The following SAMD4A variants were observed in gnomAD, a reference collection of about 807,000 sequenced individuals.
The protein encoded by SAMD4A is protein Smaug homolog 1.
In SAMD4A, 33 loss-of-function variants were observed where a neutral mutation model predicts 81.3. The ratio of observed to expected loss-of-function variants is 0.41; its 90% CI spans 0.31 to 0.54. The LOEUF is 0.54. Ranked by LOEUF, SAMD4A falls within the 20% of genes least tolerant of loss-of-function variation. The pLI, the probability that SAMD4A is intolerant of heterozygous loss-of-function variation, is 0.37. For missense variants in SAMD4A, 854 were observed against 951.1 expected, an observed-to-expected ratio of 0.90 and a Z score of 1.34; for synonymous variants, 389 against 382.1, an observed-to-expected ratio of 1.02 and a Z score of -0.21.
intron 3 of SAMD4A, among the ~76,000 whole-genome samples, chr14:54,708,682 C>A (rs1242389881): frequency 6.6e-6 from 1 of 152,126 alleles, no homozygotes; most frequent in Non-Finnish European, 1.5e-5. Flanking sequence ...GTGTGCCTTA[C>A]AAAGCACATG....
intron 2 of SAMD4A, among the ~76,000 whole-genome samples, chr14:54,683,020 G>A (rs989408458): frequency 1.3e-5 from 2 of 152,198 alleles, no homozygotes; most frequent in African/African-American, 4.8e-5. Context: ...TCCCTGGGAA[G>A]CTGAGTGCCC....
intron 2 of SAMD4A, among the ~76,000 whole-genome samples, chr14:54,682,783 A>G (rs1472410590): frequency 6.6e-6 from 1 of 152,218 alleles, no homozygotes; most frequent in Non-Finnish European, 1.5e-5. Flanking sequence ...AAATTCCTAC[A>G]CTATCAACAT....
At chr14:54,626,041 T>C (rs1472714063) in intron 2 of SAMD4A, among the ~76,000 whole-genome samples, 4 of 132,490 alleles carry the variant, frequency 3.0e-5, no homozygotes, top group African/African-American at 1.2e-4. Context: ...TGTGTGTGTG[T>C]GTGTGTGTGT....
intron 2 of SAMD4A, among the ~76,000 whole-genome samples, chr14:54,578,603 T>C (rs1034931440): frequency 6.6e-6 from 1 of 152,030 alleles, no homozygotes; most frequent in African/African-American, 2.4e-5. Context: ...TCCCAACTAC[T>C]CGGGAGGCTG....
intron 2 of SAMD4A, among the ~76,000 whole-genome samples, chr14:54,678,431 ATTTGTGTGTG>A (rs2036039834): frequency 5.2e-5 from 4 of 77,428 alleles, no homozygotes; most frequent in Admixed American, 1.6e-4. Flanking sequence ...GGCAGTCACC[ATTTGTGTGTG>A]TGTGTGTGTG....
At chr14:54,694,698 C>T (rs557423261) in intron 2 of SAMD4A, 14 of 985,396 alleles carry the variant, frequency 1.4e-5, no homozygotes, top group East Asian at 1.1e-4. Flanking sequence ...GAATGGCCAG[C>T]CTCAGACCTC....
intron 2 of SAMD4A, among the ~76,000 whole-genome samples, chr14:54,648,509 GT>G (rs2035333123): frequency 6.6e-6 from 1 of 152,242 alleles, no homozygotes; most frequent in South Asian, 2.1e-4. Flanking sequence ...TCCTGAGGCT[GT>G]ATCAGAGAAG....
chr14:54,617,452 G>C (rs1387835941), intron 2 of SAMD4A, among the ~76,000 whole-genome samples: 1 of 66,174 alleles, frequency 1.5e-5, no homozygotes, highest in Admixed American at 1.4e-4. Context: ...GAAAGAATCT[G>C]TAAGGAGAGA....
At chr14:54,750,396 T>C (rs2038073685) in intron 5 of SAMD4A, among the ~76,000 whole-genome samples, 1 of 152,222 alleles carries the variant, frequency 6.6e-6, no homozygotes, top group Non-Finnish European at 1.5e-5. Context: ...AGTTGCAAGA[T>C]GTTTGAGTTA....
intron 12 of SAMD4A, among the ~76,000 whole-genome samples, chr14:54,788,410 G>A (rs977312409): frequency 2.0e-5 from 3 of 151,828 alleles, no homozygotes; most frequent in Non-Finnish European, 4.4e-5. Flanking sequence ...AACCTCCAAC[G>A]CACCCTCAGC....
At chr14:54,695,634 G>A (rs2036555246) in intron 2 of SAMD4A, among the ~76,000 whole-genome samples, 1 of 152,188 alleles carries the variant, frequency 6.6e-6, no homozygotes, top group South Asian at 2.1e-4. Context: ...CACCCTGGAA[G>A]CCCGCAATCA....
intron 2 of SAMD4A, among the ~76,000 whole-genome samples, chr14:54,627,354 C>T (rs1458725524): frequency 6.6e-6 from 1 of 152,058 alleles, no homozygotes; most frequent in Non-Finnish European, 1.5e-5. Flanking sequence ...CGCAGCTTGT[C>T]CGTTACATTT....
chr14:54,591,615 G>A (rs1022287969), intron 2 of SAMD4A, among the ~76,000 whole-genome samples: 22 of 151,688 alleles, frequency 1.5e-4, no homozygotes, highest in African/African-American at 4.4e-4. Context: ...TGAAATTGGC[G>A]TATCAGTCAG....
chr14:54,700,993 ATTTTTTTTTTT>A (rs34898971), intron 2 of SAMD4A: 1 of 137,174 alleles, frequency 7.3e-6, no homozygotes. Context: ...GAAACGGTGA[ATTTTTTTTTTT>A]TTTTTTTTTT....
chr14:54,772,684 TCCAA>T (rs1484668348), intron 9 of SAMD4A, among the ~76,000 whole-genome samples: 2 of 152,118 alleles, frequency 1.3e-5, no homozygotes, highest in Non-Finnish European at 2.9e-5. Context: ...TTTTTAAAAA[TCCAA>T]CCAAAAAGGA....
chr14:54,660,621 C>T (rs796477282), intron 2 of SAMD4A, among the ~76,000 whole-genome samples: 1 of 152,128 alleles, frequency 6.6e-6, no homozygotes, highest in Non-Finnish European at 1.5e-5. Flanking sequence ...GCCAGCTTGG[C>T]TGACTTTGAC....
chr14:54,622,318 A>G (rs2034636224), intron 2 of SAMD4A, among the ~76,000 whole-genome samples: 2 of 152,340 alleles, frequency 1.3e-5, no homozygotes, highest in South Asian at 4.1e-4. Context: ...AACTCTTCTC[A>G]GATAACCAGG....
At chr14:54,634,334 G>C (rs928785435) in intron 2 of SAMD4A, among the ~76,000 whole-genome samples, 1 of 151,778 alleles carries the variant, frequency 6.6e-6, no homozygotes, top group Non-Finnish European at 1.5e-5. Context: ...ATGAATGAAT[G>C]AATAGAAATA....
chr14:54,575,997 CTTTCTTTTTTTTTTTTTTTT>C (rs2033280269), intron 2 of SAMD4A, among the ~76,000 whole-genome samples: 1 of 67,612 alleles, frequency 1.5e-5, no homozygotes, highest in Non-Finnish European at 2.5e-5. Context: ...TTCTTTCTTT[CTTTCTTTTTTTTTTTTTTTT>C]TTTTTTTTTT....
Sources: allele counts gnomAD v4.1 joint callset (sites outside exome capture counted in the v4.1 genomes callset), GRCh38; gene constraint gnomAD v4.1.1; transcripts MANE v1.5; gene names NCBI Gene and HGNC (gene_info 2026-07-23, HGNC 2026-07-21).